The following SCAPER variants were observed in gnomAD, a reference collection of about 807,000 sequenced individuals.
SCAPER encodes the protein S phase cyclin A-associated protein in the endoplasmic reticulum.
Under a neutral mutation model 182.2 loss-of-function variants are expected in SCAPER, and 98 were observed. The ratio of observed to expected loss-of-function variants is 0.54; its 90% CI spans 0.46 to 0.64. The LOEUF (loss-of-function observed/expected upper bound fraction) is 0.64. SCAPER is among the 30% of genes least tolerant of loss of function. The probability of loss-of-function intolerance (pLI) is 0.00; values close to 1 mark genes in which losing one functional copy is unlikely to be tolerated. For synonymous variants in SCAPER, 605 were observed against 564.6 expected, an observed-to-expected ratio of 1.07 and a Z score of -1.01; for missense variants, 1,432 against 1,690.0, an observed-to-expected ratio of 0.85 and a Z score of 2.68.
chr15:76,464,564 CTA>C (rs1321154774), intron 25 of SCAPER, among the ~76,000 whole-genome samples: 2 of 151,952 alleles, frequency 1.3e-5, no homozygotes, highest in Non-Finnish European at 1.5e-5. Context: ...GAAAAAAAAA[CTA>C]TGCATAAATA....
At chr15:76,720,184 G>T (rs570504899) in intron 17 of SCAPER, among the ~76,000 whole-genome samples, 2 of 150,812 alleles carry the variant, frequency 1.3e-5, no homozygotes, top group African/African-American at 4.9e-5. Flanking sequence ...GTGGTGTTCG[G>T]TTTTTTGTCC....
intron 23 of SCAPER, among the ~76,000 whole-genome samples, chr15:76,551,777 T>C (rs1344737188): frequency 6.6e-6 from 1 of 152,168 alleles, no homozygotes; most frequent in Non-Finnish European, 1.5e-5. Flanking sequence ...GTACACAATA[T>C]ATATACATGT....
At chr15:76,766,861 A>G in intron 11 of SCAPER, 57 bp downstream of exon 11, 1 of 1,434,934 alleles carries the variant, frequency 7.0e-7, no homozygotes. Flanking sequence ...TGGCCCAGAT[A>G]ATTTTGTTTC....
At chr15:76,399,870 T>C (rs926196088) in intron 27 of SCAPER, among the ~76,000 whole-genome samples, 1 of 151,938 alleles carries the variant, frequency 6.6e-6, no homozygotes, top group South Asian at 2.1e-4. Flanking sequence ...CCAGGCATGG[T>C]GGCAAGCGCC....
At chr15:76,614,340 T>A (rs1169350508) in intron 22 of SCAPER, among the ~76,000 whole-genome samples, 3 of 152,098 alleles carry the variant, frequency 2.0e-5, no homozygotes, top group African/African-American at 7.2e-5. Context: ...CAAATCCCCA[T>A]GGCACAAGTT....
intron 28 of SCAPER, among the ~76,000 whole-genome samples, chr15:76,376,702 CT>C (rs1313063637): frequency 6.6e-6 from 1 of 151,964 alleles, no homozygotes; most frequent in Non-Finnish European, 1.5e-5. Flanking sequence ...AATTCCAACA[CT>C]TTTTTTTCTG....
At chr15:76,555,386 C>T (rs1209138707) in intron 23 of SCAPER, among the ~76,000 whole-genome samples, 1 of 152,126 alleles carries the variant, frequency 6.6e-6, no homozygotes, top group Non-Finnish European at 1.5e-5. Context: ...CATATCAATA[C>T]TAACCTTGAA....
intron 21 of SCAPER, among the ~76,000 whole-genome samples, chr15:76,663,351 A>C (rs2056340183): frequency 6.6e-6 from 1 of 152,152 alleles, no homozygotes; most frequent in Admixed American, 6.6e-5. Flanking sequence ...AAAATGGCAC[A>C]ACTACTATGG....
chr15:76,522,553 AATAC>A (rs2042912504), intron 23 of SCAPER, among the ~76,000 whole-genome samples: 1 of 152,184 alleles, frequency 6.6e-6, no homozygotes, highest in Non-Finnish European at 1.5e-5. Flanking sequence ...AGATTGTTGA[AATAC>A]ATACAAGCAT....
intron 17 of SCAPER, among the ~76,000 whole-genome samples, chr15:76,722,556 C>A (rs1039226693): frequency 6.6e-6 from 1 of 152,166 alleles, no homozygotes; most frequent in Non-Finnish European, 1.5e-5. Flanking sequence ...CCGTCTGGTC[C>A]TGGACTTTCT....
chr15:76,779,827 A>G (rs35991068), intron 8 of SCAPER, among the ~76,000 whole-genome samples: 1 of 152,216 alleles, frequency 6.6e-6, no homozygotes, highest in Non-Finnish European at 1.5e-5. Context: ...CAATATATAA[A>G]CAATTATAAG....
At chr15:76,875,608 T>C (rs1159759310) in intron 2 of SCAPER, among the ~76,000 whole-genome samples, 1 of 152,074 alleles carries the variant, frequency 6.6e-6, no homozygotes, top group Non-Finnish European at 1.5e-5. Context: ...GTGTCCAGAA[T>C]TGGTGGGTTC....
chr15:76,496,237 T>G (rs2040524910), intron 24 of SCAPER, among the ~76,000 whole-genome samples: 1 of 151,844 alleles, frequency 6.6e-6, no homozygotes, highest in African/African-American at 2.4e-5. Flanking sequence ...CTTTTTTTTT[T>G]TAATTAAAAA....
At chr15:76,701,045 C>A (rs931132048) in intron 20 of SCAPER, among the ~76,000 whole-genome samples, 1 of 149,634 alleles carries the variant, frequency 6.7e-6, no homozygotes, top group Non-Finnish European at 1.5e-5. Flanking sequence ...TGTAAAAATT[C>A]ATCAGCTATA....
Position 76,633,459 on chromosome 15 carries a change from G to T in SCAPER, c.2646-11630C>A, listed in dbSNP as rs557544600. 4.6e-5 allele frequency among the ~76,000 whole-genome samples: 7 copies of T among 152,306 alleles called. No homozygotes were observed. The East Asian group carries it at 1.2e-3, about 25-fold the overall frequency. ...GTCTGGCTGCCCCTTGGCAGAGCAG[G>T]TGTGCTACATTAGGGGGAATCCCCC... On this transcript the variant is annotated intron_variant, in intron 21 of 31. Transcript: ENST00000563290.
chr15:76,532,030 T>C (rs1328272812), intron 23 of SCAPER, among the ~76,000 whole-genome samples: 1 of 152,218 alleles, frequency 6.6e-6, no homozygotes, highest in African/African-American at 2.4e-5. Flanking sequence ...TTTTAAAAAA[T>C]ATTTTAAAAT....
At chr15:76,772,973 A>C (rs554755829) in intron 9 of SCAPER, among the ~76,000 whole-genome samples, 4 of 152,030 alleles carry the variant, frequency 2.6e-5, no homozygotes, top group African/African-American at 9.6e-5. Context: ...CTACTTTAAA[A>C]ATTCTACTAT....
chr15:76,725,999 T>C (rs948454519), intron 17 of SCAPER, among the ~76,000 whole-genome samples: 8 of 149,462 alleles, frequency 5.4e-5, no homozygotes, highest in African/African-American at 1.2e-4. Context: ...AATAGAGAAA[T>C]TGAACTATGT....
At chr15:76,387,813 A>G (rs2043388654) in intron 27 of SCAPER, among the ~76,000 whole-genome samples, 1 of 152,228 alleles carries the variant, frequency 6.6e-6, no homozygotes, top group Non-Finnish European at 1.5e-5. Context: ...TTATTTTTAG[A>G]TCATAAAAAC....
Sources: allele counts gnomAD v4.1 joint callset (sites outside exome capture counted in the v4.1 genomes callset), GRCh38; gene constraint gnomAD v4.1.1; transcripts MANE v1.5; gene names NCBI Gene and HGNC (gene_info 2026-07-23, HGNC 2026-07-21).